The following GRID1 variants were observed in gnomAD, a reference collection of about 807,000 sequenced individuals.
GRID1 encodes the protein glutamate receptor ionotropic, delta-1.
GRID1 carries 28 observed loss-of-function variants against 98.0 expected under a neutral mutation model. That is an observed-to-expected ratio of 0.29 (90% confidence interval 0.21 to 0.39). The LOEUF (loss-of-function observed/expected upper bound fraction) is 0.39. Ranked by LOEUF, GRID1 falls within the 10% of genes least tolerant of loss-of-function variation. GRID1 has a pLI of 1.00. For missense variants in GRID1, 1,111 were observed against 1,340.5 expected (o/e 0.83, Z 2.67); for synonymous variants, 553 against 538.5 (o/e 1.03, Z -0.37).
chr10:86,266,840 C>T (rs1269780725), intron 2 of GRID1, among the ~76,000 whole-genome samples: 1 of 152,196 alleles, frequency 6.6e-6, no homozygotes, highest in East Asian at 1.9e-4. Flanking sequence ...TACTTCCTGC[C>T]GGGCTATAGG....
At chr10:85,968,753 T>C (rs181128412) in intron 4 of GRID1, among the ~76,000 whole-genome samples, 77 of 152,086 alleles carry the variant, frequency 5.1e-4, no homozygotes, top group African/African-American at 1.6e-3. Context: ...AAAATATATA[T>C]TGAATGCAAA....
At chr10:86,113,115 T>C (rs1225902066) in intron 4 of GRID1, among the ~76,000 whole-genome samples, 2 of 152,174 alleles carry the variant, frequency 1.3e-5, no homozygotes, top group Non-Finnish European at 2.9e-5. Context: ...TGTTCTGCTT[T>C]CATGCTTGCC....
intron 4 of GRID1, among the ~76,000 whole-genome samples, chr10:86,039,891 C>T (rs1476473251): frequency 6.6e-6 from 1 of 152,156 alleles, no homozygotes; most frequent in East Asian, 1.9e-4. Flanking sequence ...ATAATTAGCC[C>T]TTGGAAGCCA....
At chr10:86,180,154 C>T (rs1304779872) in intron 3 of GRID1, among the ~76,000 whole-genome samples, 1 of 152,104 alleles carries the variant, frequency 6.6e-6, no homozygotes, top group African/African-American at 2.4e-5. Flanking sequence ...GGAGAGGTGG[C>T]CGCCAGCTAG....
intron 12 of GRID1, among the ~76,000 whole-genome samples, chr10:85,719,827 G>T: frequency 6.6e-6 from 1 of 152,112 alleles, no homozygotes; most frequent in Non-Finnish European, 1.5e-5. Context: ...AATGTAAAAT[G>T]TAAAAATATA....
At chr10:85,770,244 C>T (rs1842248156) in intron 8 of GRID1, among the ~76,000 whole-genome samples, 1 of 152,174 alleles carries the variant, frequency 6.6e-6, no homozygotes, top group African/African-American at 2.4e-5. Context: ...TAGCAAACTC[C>T]AACACACTGG....
chr10:85,692,515 T>C (rs1451320744), intron 12 of GRID1, among the ~76,000 whole-genome samples: 1 of 151,570 alleles, frequency 6.6e-6, no homozygotes, highest in African/African-American at 2.4e-5. Context: ...ATGCAAAAAT[T>C]AGCCAGTTGT....
At position 86,101,744 on chromosome 10, in the gene GRID1, A is replaced by G. The variant is rs555997970; in HGVS notation, c.726+37075T>C. On this transcript the variant is annotated intron_variant, in intron 4 of 15. Coordinates refer to ENST00000327946, the MANE Select transcript of GRID1 (RefSeq NM_017551.3). ...AGCCTCAATCTCCTTGGCTCAAGAG[A>G]TCCTCCCACCTAAGCCTTCTGAGTG... Among the ~76,000 whole-genome samples the G allele has an allele frequency of 9.9e-5, 15 of 151,108 alleles. No homozygotes were observed. The South Asian group carries it at 2.3e-3, about 23-fold the overall frequency.
chr10:85,796,048 G>T (rs1304534049), intron 8 of GRID1, among the ~76,000 whole-genome samples: 1 of 152,130 alleles, frequency 6.6e-6, no homozygotes, highest in African/African-American at 2.4e-5. Context: ...GAAAAGACTG[G>T]ATCAGTCATG....
At chr10:86,356,353 T>C (rs1848533409) in intron 2 of GRID1, among the ~76,000 whole-genome samples, 1 of 152,238 alleles carries the variant, frequency 6.6e-6, no homozygotes, top group South Asian at 2.1e-4. Flanking sequence ...GAGGGCTGTT[T>C]AGCCATGAAT....
chr10:85,769,729 A>G (rs1842237176), intron 8 of GRID1, among the ~76,000 whole-genome samples: 1 of 152,218 alleles, frequency 6.6e-6, no homozygotes, highest in African/African-American at 2.4e-5. Context: ...TTGCTAACAA[A>G]GCAGTCTGAG....
intron 2 of GRID1, among the ~76,000 whole-genome samples, chr10:86,355,519 A>G (rs1848522377): frequency 6.6e-6 from 1 of 152,092 alleles, no homozygotes; most frequent in South Asian, 2.1e-4. Context: ...CCCCCAGCTA[A>G]CACCCCCCAC....
chr10:86,190,883 T>C (rs1845792493), intron 3 of GRID1, among the ~76,000 whole-genome samples: 1 of 151,736 alleles, frequency 6.6e-6, no homozygotes, highest in African/African-American at 2.4e-5. Context: ...TAGTCGTGCA[T>C]GCATGCATGA....
intron 4 of GRID1, among the ~76,000 whole-genome samples, chr10:85,917,801 T>C (rs1312072945): frequency 6.6e-6 from 1 of 152,214 alleles, no homozygotes; most frequent in Non-Finnish European, 1.5e-5. Flanking sequence ...GAAGACACTT[T>C]CCTCCCCTTT....
chr10:86,186,906 GA>G (rs575738236), intron 3 of GRID1, among the ~76,000 whole-genome samples: 259 of 152,310 alleles, frequency 1.7e-3, no homozygotes, highest in African/African-American at 5.9e-3. Context: ...GAAGCAAACT[GA>G]GGTAGAGAGA....
At chr10:86,215,903 G>A (rs963357235) in intron 2 of GRID1, among the ~76,000 whole-genome samples, 23 of 152,080 alleles carry the variant, frequency 1.5e-4, no homozygotes, top group African/African-American at 2.2e-4. Flanking sequence ...ATCCTCCACC[G>A]CTCCCCAGCT....
intron 2 of GRID1, among the ~76,000 whole-genome samples, chr10:86,332,230 A>C (rs1004089941): frequency 3.3e-5 from 5 of 152,124 alleles, no homozygotes; most frequent in Non-Finnish European, 7.4e-5. Context: ...ACCCCTCCAG[A>C]ATCCAGGCCA....
intron 8 of GRID1, among the ~76,000 whole-genome samples, chr10:85,739,566 C>G (rs1465357791): frequency 6.6e-6 from 1 of 152,102 alleles, no homozygotes; most frequent in African/African-American, 2.4e-5. Flanking sequence ...GCCTGGGTGA[C>G]AGAGTAAGAC....
In GRID1 at chr10:85,602,471, TGA is replaced by T; in HGVS notation, c.2830_2831del (p.Ser944IlefsTer116). On this transcript the variant is annotated frameshift_variant, in exon 16 of 16. Coordinates refer to ENST00000327946, the MANE Select transcript of GRID1 (RefSeq NM_017551.3). LOFTEE classifies it high-confidence loss of function. ...QSSHGTSRTL[S>X]SGPSSNLPLP... ...GCGGCAGGTTGCTGCTGGGCCCTGA[TGA>T]GAGTGTCCGGCTGGTGCCATGGCTG... is the stretch of plus-strand genomic sequence containing the variant. 2 of 1,611,088 alleles carry T rather than the reference TGA, an allele frequency of 1.2e-6. No homozygotes were observed. Among genetic ancestry groups the T allele is most frequent in the South Asian group, 1.1e-5 (1 of 91,028 alleles).
Sources: gnomAD v4.1 joint callset for allele counts (sites outside exome capture counted in the v4.1 genomes callset) on GRCh38, gnomAD v4.1.1 for gene constraint, MANE v1.5 for transcripts, NCBI Gene and HGNC (gene_info 2026-07-23, HGNC 2026-07-21) for gene names.